Variants in CIZ1 observed in about 807,000 individuals in gnomAD.
The protein encoded by CIZ1 is cip1-interacting zinc finger protein.
A neutral mutation model predicts 118.6 loss-of-function variants in CIZ1; 58 were observed. That is an observed-to-expected ratio of 0.49 (90% CI 0.40 to 0.61). CIZ1 has a LOEUF of 0.61. Ranked by LOEUF, CIZ1 falls within the 20% of genes least tolerant of loss-of-function variation. The probability of loss-of-function intolerance (pLI) is 0.00; values close to 1 mark genes in which losing one functional copy is unlikely to be tolerated. For synonymous variants in CIZ1, 448 were observed against 443.4 expected, an observed-to-expected ratio of 1.01 and a Z score of -0.13; for missense variants, 921 against 1,115.9, an observed-to-expected ratio of 0.83 and a Z score of 2.49.
chr9:128,203,144 G>A lies in CIZ1; in HGVS notation c.-6+1042C>T, dbSNP rs149224224. ...ATCCAGACCACTCTCCAAGAGGCCTGGTACTAGGAGTGAGACCCAACCCAT... is the reference window on the plus strand; with the variant it reads ...ATCCAGACCACTCTCCAAGAGGCCTAGTACTAGGAGTGAGACCCAACCCAT... On this transcript the variant is annotated intron_variant, in intron 1 of 17. Coordinates refer to the CIZ1 transcript ENST00000372948. This position sits in a 1 kb window ranked among gnomAD's most constrained non-coding sequence, Gnocchi z 5.3. Among the ~76,000 whole-genome samples the A allele has an allele frequency of 2.4e-4, 37 of 152,286 alleles. No individual in the cohort carries two copies. The South Asian group carries it at 3.9e-3, about 16-fold the overall frequency.
In CIZ1 at chr9:128,185,430, C is replaced by T. The variant is rs558333924; in HGVS notation, c.588+117G>A. 6 of 545,704 alleles carry T rather than the reference C, an allele frequency of 1.1e-5. No homozygotes were observed. In the East Asian group the frequency reaches 1.6e-4, roughly 15 times the overall value. The allele number at this position is 545,704 out of a possible 1,614,324, so 33.8% of individuals were successfully genotyped here. A position where few individuals can be genotyped will look rare whatever the true frequency, so the allele number is the denominator to read the frequency against. On this transcript the variant is annotated intron_variant, in intron 5 of 16. Coordinates refer to ENST00000372938, the MANE Select transcript of CIZ1 (RefSeq NM_001131016.2). ...CCCCCTCATTTTACAGATGAGGAAA[C>T]TGAGGCATAAAGGGAGTGTGACCTG...
At chr9:128,169,823 G>T in intron 12 of CIZ1, 197 bp downstream of exon 12, 1 of 1,120,484 alleles carries the variant, frequency 8.9e-7, no homozygotes, top group South Asian at 1.4e-5. Flanking sequence ...GTGAGATGGG[G>T]CCTGGCCTAC....
Position 128,180,478 on chromosome 9 carries a change from C to T in CIZ1, c.728G>A (p.Arg243His), listed in dbSNP as rs369880398. ...PCPEDIAKEKRTPAPEPEPCE... is the reference protein window; with the variant it reads ...PCPEDIAKEKHTPAPEPEPCE... Reference sequence around the variant, plus strand: ...AGGCTCAGGCTCAGGTGCTGGAGTGCGTTTTTCCTTGGCGATGTCCTCTGG... The same window carrying T: ...AGGCTCAGGCTCAGGTGCTGGAGTGTGTTTTTCCTTGGCGATGTCCTCTGG... Residue 243 changes from arginine to histidine, a missense_variant, in exon 7 of 17, where the codon CGC (arginine) becomes CAC (histidine). Coordinates refer to ENST00000372938, the MANE Select transcript of CIZ1 (RefSeq NM_001131016.2). The T allele has an allele frequency of 1.2e-5, 19 of 1,614,004 alleles. No individual in the cohort carries two copies. Among genetic ancestry groups the T allele is most frequent in the African/African-American group, 8.0e-5 (6 of 74,910 alleles).
intron 1 of CIZ1, among the ~76,000 whole-genome samples, chr9:128,201,401 G>A (rs1251456228): frequency 6.6e-6 from 1 of 152,218 alleles, no homozygotes. Context: ...AGTGAGCTGA[G>A]ATCATGCCAC....
Position 128,180,466 on chromosome 9 carries a change from G to C in CIZ1, c.740C>G (p.Pro247Arg), listed in dbSNP as rs766316035. ...GGACGCCTCACAAGGCTCAGGCTCA[G>C]GTGCTGGAGTGCGTTTTTCCTTGGC... ...DIAKEKRTPA[P>R]EPEPCEASEL... is the part of the protein sequence containing the mutation. The change falls in exon 7 of 17, where the codon CCT (proline) becomes CGT (arginine). Residue 247 changes from proline to arginine, a missense_variant. Coordinates refer to ENST00000372938, the MANE Select transcript of CIZ1 (RefSeq NM_001131016.2). 6.2e-6 allele frequency: 10 copies of C among 1,614,186 alleles called. No homozygotes were observed. The highest frequency in any genetic ancestry group is 6.8e-6 in the Non-Finnish European group (8 of 1,180,032).
chr9:128,176,922 G>C (rs1437308735), intron 10 of CIZ1, among the ~76,000 whole-genome samples: 1 of 151,946 alleles, frequency 6.6e-6, no homozygotes, highest in South Asian at 2.1e-4. Flanking sequence ...TTTTTGTTTC[G>C]TTTTGAGAGT....
At chr9:128,175,755 G>A (rs1298090169) in intron 11 of CIZ1, among the ~76,000 whole-genome samples, 1 of 152,190 alleles carries the variant, frequency 6.6e-6, no homozygotes, top group Non-Finnish European at 1.5e-5. Context: ...AGAAGCAGCT[G>A]TCTCCTGAGA....
rs1426103477 is a variant in CIZ1 at position 128,180,825 on chromosome 9, T to A, written c.589-11A>T. On this transcript the variant is annotated splice_polypyrimidine_tract_variant and intron_variant, in intron 5 of 16. Transcript: ENST00000372938. ...CTGAGAAGAAGAATCCTGCTTCCTT[T>A]CAGAAACTATGTTGACATCCAATAC... 1.3e-6 allele frequency: 2 copies of A among 1,596,930 alleles called. No homozygotes were observed. The highest frequency in any genetic ancestry group is 2.2e-5 in the South Asian group (2 of 90,766).
chr9:128,173,197 T>C lies in CIZ1; in HGVS notation c.1944-3090A>G, dbSNP rs138454931. On this transcript the variant is annotated intron_variant, in intron 11 of 16. Coordinates refer to ENST00000372938, the MANE Select transcript of CIZ1 (RefSeq NM_001131016.2). ...TCTCGCTCTGTCGCCCAGGCTGGAGTGCAGTGGCGCGATCTTGGCTTACTG... is the reference window on the plus strand; with the variant it reads ...TCTCGCTCTGTCGCCCAGGCTGGAGCGCAGTGGCGCGATCTTGGCTTACTG... 5.2e-4 allele frequency among the ~76,000 whole-genome samples: 73 copies of C among 140,840 alleles called. 2 individuals are homozygous for C. Among genetic ancestry groups the C allele is most frequent in the African/African-American group, 1.7e-3 (63 of 36,692 alleles). The allele number at this position is 140,840 out of a possible 152,430, so 92.4% of individuals were successfully genotyped here.
rs1378850826 is a variant in CIZ1 at position 128,172,230 on chromosome 9, C to G, written c.1944-2123G>C. On this transcript the variant is annotated intron_variant, in intron 11 of 16. Coordinates refer to ENST00000372938, the MANE Select transcript of CIZ1 (RefSeq NM_001131016.2). ...AACCCTGGCTGGGCATGGTGGCTCA[C>G]GCCTGTAATCCCAGCACTTTGGGAG... Among the ~76,000 whole-genome samples the G allele has an allele frequency of 2.6e-5, 4 of 151,166 alleles. No homozygotes were observed. The East Asian group carries it at 5.8e-4, about 22-fold the overall frequency.
upstream of CIZ1, among the ~76,000 whole-genome samples, chr9:128,196,409 A>C (rs902492837): frequency 1.3e-5 from 2 of 151,936 alleles, no homozygotes; most frequent in African/African-American, 4.8e-5. Flanking sequence ...TTAGCTGGGC[A>C]TGGTGGTGTG....
At chr9:128,194,362 CAAAAAAAAAAA>C (rs757286334), upstream of CIZ1, among the ~76,000 whole-genome samples, 3 of 74,188 alleles carry the variant, frequency 4.0e-5, no homozygotes, top group Non-Finnish European at 8.0e-5. Flanking sequence ...AACTCCATCT[CAAAAAAAAAAA>C]AAAAAAAAAG....
At chr9:128,204,208 C>G (rs994434948) in exon 1 of CIZ1, 1 of 152,602 alleles carries the variant, frequency 6.6e-6, no homozygotes, top group Non-Finnish European at 1.5e-5. Flanking sequence ...CGCCGCCATC[C>G]GTGCGCAGCG....
intron 1 of CIZ1, among the ~76,000 whole-genome samples, chr9:128,199,568 G>A (rs984764756): frequency 1.3e-4 from 19 of 151,882 alleles, no homozygotes; most frequent in African/African-American, 4.6e-4. Flanking sequence ...AACTGGGCAT[G>A]GTGGTGTGCA....
At chr9:128,185,472 GAGCC>G in intron 5 of CIZ1, 71 bp downstream of exon 5, 1 of 970,840 alleles carries the variant, frequency 1.0e-6, no homozygotes, top group African/African-American at 1.7e-5. Flanking sequence ...GGCCCAGACT[GAGCC>G]AGAGCAGGTG....
chr9:128,185,995 C>G (rs1392665474), intron 4 of CIZ1, among the ~76,000 whole-genome samples: 1 of 152,112 alleles, frequency 6.6e-6, no homozygotes, highest in Non-Finnish European at 1.5e-5. Context: ...TCTGCCCCAG[C>G]TAGGGGTGGG....
intron 11 of CIZ1, among the ~76,000 whole-genome samples, chr9:128,170,595 C>G (rs947628): frequency 1.3e-5 from 2 of 152,082 alleles, no homozygotes; most frequent in African/African-American, 4.8e-5. Flanking sequence ...GCAGAAGTTG[C>G]AGTGAACCAA....
chr9:128,173,925 G>A (rs1392343679), intron 11 of CIZ1, among the ~76,000 whole-genome samples: 1 of 151,848 alleles, frequency 6.6e-6, no homozygotes, highest in Non-Finnish European at 1.5e-5. Flanking sequence ...AGAATGGCGT[G>A]AACCCAGGAG....
chr9:128,192,155 C>G (rs889151128), upstream of CIZ1, among the ~76,000 whole-genome samples: 2 of 152,106 alleles, frequency 1.3e-5, no homozygotes, highest in Admixed American at 1.3e-4. Context: ...TCTGGGAGGC[C>G]GAGGCTGGAG....
Sources: allele counts gnomAD v4.1 joint callset (sites outside exome capture counted in the v4.1 genomes callset), GRCh38; gene constraint gnomAD v4.1.1; non-coding constraint Gnocchi (gnomAD v3.1); transcripts MANE v1.5; gene names NCBI Gene and HGNC (gene_info 2026-07-23, HGNC 2026-07-21).